INPP4B: variants seen among roughly 807,000 people sequenced by gnomAD.
INPP4B encodes the protein inositol polyphosphate 4-phosphatase type II.
A neutral mutation model predicts 122.5 loss-of-function variants in INPP4B; 55 were observed. The ratio of observed to expected loss-of-function variants is 0.45; its 90% CI spans 0.36 to 0.56. INPP4B has a LOEUF of 0.56. Ranked by LOEUF, INPP4B falls within the 20% of genes least tolerant of loss-of-function variation. The pLI, the probability that INPP4B is intolerant of heterozygous loss-of-function variation, is 0.00. For missense variants in INPP4B, 1,000 were observed against 1,097.7 expected, an observed-to-expected ratio of 0.91 and a Z score of 1.26; for synonymous variants, 403 against 388.7, an observed-to-expected ratio of 1.04 and a Z score of -0.43.
chr4:142,440,373 A>G (rs1364801816), intron 3 of INPP4B, among the ~76,000 whole-genome samples: 2 of 152,204 alleles, frequency 1.3e-5, no homozygotes, highest in Non-Finnish European at 2.9e-5. Context: ...CAGGAAGTGA[A>G]CTACGTGAAG....
chr4:142,765,685 T>G lies in INPP4B; in HGVS notation c.-253-39784A>C, dbSNP rs565803203. ...TTATTACTGTCACTTCTAAGGGAGA[T>G]ATCGGTTAAACCAGTTGACAACATA... On this transcript the variant is annotated intron_variant, in intron 1 of 25. Transcript: ENST00000262992. Among the ~76,000 whole-genome samples, 32 of 152,280 alleles carry G rather than the reference T, an allele frequency of 2.1e-4. 1 individual carries two copies. Among genetic ancestry groups the G allele is most frequent in the Middle Eastern group, 6.8e-3 (2 of 294 alleles).
chr4:142,377,970 C>A (rs990934998), intron 7 of INPP4B, among the ~76,000 whole-genome samples: 2 of 152,076 alleles, frequency 1.3e-5, no homozygotes, highest in Non-Finnish European at 2.9e-5. Context: ...ACTGCTAAAT[C>A]TTATCTTGGA....
chr4:142,360,553 C>T (rs1785049681), intron 7 of INPP4B, among the ~76,000 whole-genome samples: 2 of 151,890 alleles, frequency 1.3e-5, no homozygotes, highest in South Asian at 4.1e-4. Context: ...AGTGTAGTTA[C>T]TAATACACTG....
At chr4:142,775,619 C>G (rs1179917433) in intron 1 of INPP4B, among the ~76,000 whole-genome samples, 1 of 148,548 alleles carries the variant, frequency 6.7e-6, no homozygotes, top group Non-Finnish European at 1.5e-5. Flanking sequence ...AAATAATCCT[C>G]CCACCTTGGA....
At chr4:142,774,469 T>C (rs1345116424) in intron 1 of INPP4B, among the ~76,000 whole-genome samples, 2 of 144,028 alleles carry the variant, frequency 1.4e-5, no homozygotes. Flanking sequence ...CATGGAACTT[T>C]GATCAATTTG....
intron 2 of INPP4B, among the ~76,000 whole-genome samples, chr4:142,517,500 T>A (rs2149899029): frequency 6.6e-6 from 1 of 152,286 alleles, no homozygotes; most frequent in Non-Finnish European, 1.5e-5. Flanking sequence ...GGAAATGTAA[T>A]CCTATGGAGC....
Position 142,799,152 on chromosome 4 carries a change from G to A in INPP4B, c.-254+47057C>T, listed in dbSNP as rs199666806. Among the ~76,000 whole-genome samples the A allele has an allele frequency of 1.4e-4, 22 of 151,902 alleles. No homozygotes were observed. The East Asian group carries it at 1.5e-3, about 11-fold the overall frequency. On this transcript the variant is annotated intron_variant, in intron 1 of 25. Transcript: ENST00000262992. Reference sequence around the variant, plus strand: ...AAAGGAATTCTTAAATTCAATCTCCGTTAAAAGCTTTAAGACTAACATTAT... The same window carrying A: ...AAAGGAATTCTTAAATTCAATCTCCATTAAAAGCTTTAAGACTAACATTAT...
chr4:142,742,884 A>G (rs1433230211), intron 1 of INPP4B, among the ~76,000 whole-genome samples: 1 of 151,976 alleles, frequency 6.6e-6, no homozygotes, highest in African/African-American at 2.4e-5. Context: ...ATAAAATTTC[A>G]GTTATAATAT....
intron 25 of INPP4B, among the ~76,000 whole-genome samples, chr4:142,075,940 A>G (rs1770457658): frequency 6.6e-6 from 1 of 152,070 alleles, no homozygotes; most frequent in Non-Finnish European, 1.5e-5. Context: ...TTTCAATTAG[A>G]TTCATTTCCA....
chr4:142,542,358 C>T (rs1013905020), intron 2 of INPP4B, among the ~76,000 whole-genome samples: 4 of 152,090 alleles, frequency 2.6e-5, no homozygotes, highest in African/African-American at 9.7e-5. Flanking sequence ...TGATTAGAAA[C>T]TCATTGATAC....
intron 1 of INPP4B, among the ~76,000 whole-genome samples, chr4:142,776,502 C>A (rs114628172): frequency 8.8e-4 from 134 of 152,244 alleles, no homozygotes; most frequent in African/African-American, 3.1e-3. Flanking sequence ...CAGTGCTCAT[C>A]ATTTGCACTG....
chr4:142,377,168 T>G (rs1021279094), intron 7 of INPP4B, among the ~76,000 whole-genome samples: 1 of 151,948 alleles, frequency 6.6e-6, no homozygotes, highest in African/African-American at 2.4e-5. Flanking sequence ...AAAACAAATT[T>G]TAGGTGGCTC....
intron 10 of INPP4B, 139 bp from the exon 11 acceptor site, chr4:142,260,703 T>C: frequency 1.6e-6 from 1 of 614,208 alleles, no homozygotes; most frequent in Non-Finnish European, 2.9e-6. Context: ...AAACTATTTC[T>C]AGCTCTATCT....
intron 2 of INPP4B, among the ~76,000 whole-genome samples, chr4:142,556,813 C>T (rs59320449): frequency 0.054 from 8,275 of 152,144 alleles, 271 homozygotes; most frequent in South Asian, 0.069. Context: ...AAAAGAAGCA[C>T]GCAAATTGCA....
chr4:142,545,718 T>TACAC (rs1469457876), intron 2 of INPP4B, among the ~76,000 whole-genome samples: 1 of 127,238 alleles, frequency 7.9e-6, no homozygotes, highest in African/African-American at 3.1e-5. Context: ...TGTGTGTGTA[T>TACAC]ATGTGTGTAT....
At chr4:142,253,394 T>C (rs563862469) in intron 11 of INPP4B, among the ~76,000 whole-genome samples, 43 of 152,158 alleles carry the variant, frequency 2.8e-4, no homozygotes, top group South Asian at 8.3e-4. Context: ...CAGCTCCCAG[T>C]GTGAGCGATG....
intron 1 of INPP4B, among the ~76,000 whole-genome samples, chr4:142,792,385 T>G (rs150015744): frequency 5.3e-5 from 8 of 152,110 alleles, no homozygotes; most frequent in African/African-American, 9.7e-5. Context: ...AATATTAATA[T>G]GAAACACACA....
At chr4:142,607,706 C>T (rs1741573712) in intron 2 of INPP4B, among the ~76,000 whole-genome samples, 1 of 152,032 alleles carries the variant, frequency 6.6e-6, no homozygotes, top group African/African-American at 2.4e-5. Flanking sequence ...TCACATTAGC[C>T]TTGTTTTACA....
At chr4:142,561,600 T>C (rs1257357214) in intron 2 of INPP4B, among the ~76,000 whole-genome samples, 1 of 152,148 alleles carries the variant, frequency 6.6e-6, no homozygotes, top group Non-Finnish European at 1.5e-5. Context: ...TTTGTATTTT[T>C]AGTAGAGACG....
Sources: gnomAD v4.1 joint callset for allele counts (sites outside exome capture counted in the v4.1 genomes callset) on GRCh38, gnomAD v4.1.1 for gene constraint, MANE v1.5 for transcripts, NCBI Gene and HGNC (gene_info 2026-07-23, HGNC 2026-07-21) for gene names.